RCAN3: variants seen among roughly 807,000 people sequenced by gnomAD.
RCAN3 encodes the protein calcipressin-3.
Under a neutral mutation model 21.9 loss-of-function variants are expected in RCAN3, and 19 were observed. The observed-to-expected ratio is 0.87, with a 90% CI of 0.61 to 1.27. The LOEUF (loss-of-function observed/expected upper bound fraction) is 1.27, where lower values mean the gene tolerates loss of function less well. RCAN3 is among the 50% of genes most tolerant of loss of function. The pLI, the probability that RCAN3 is intolerant of heterozygous loss-of-function variation, is 0.00. For missense variants in RCAN3, 240 were observed against 300.1 expected, an observed-to-expected ratio of 0.80 and a Z score of 1.48; for synonymous variants, 114 against 112.3, an observed-to-expected ratio of 1.01 and a Z score of -0.09.
intron 2 of RCAN3, among the ~76,000 whole-genome samples, chr1:24,515,543 C>T (rs1464415433): frequency 6.6e-6 from 1 of 152,022 alleles, no homozygotes; most frequent in East Asian, 1.9e-4. Context: ...AGCTCTGCCA[C>T]TGGGATGTGT....
Position 24,525,214 on chromosome 1 carries a change from C to G in RCAN3, c.196-6004C>G, listed in dbSNP as rs199789661. On this transcript the variant is annotated intron_variant, in intron 2 of 4. Transcript: ENST00000374395. The surrounding 1 kb of genome is among the most constrained non-coding windows in gnomAD (Gnocchi z 4.1). ...CCCATATGGCCTTTTCCACTTTTCT[C>G]CTTTACTGATGCCTATTATCCAGCT... 6.6e-6 allele frequency among the ~76,000 whole-genome samples: 1 copy of G among 152,256 alleles called. No homozygotes were observed. Among genetic ancestry groups the G allele is most frequent in the East Asian group, 1.9e-4 (1 of 5,186 alleles).
chr1:24,523,653 T>G (rs1340484973), intron 2 of RCAN3, among the ~76,000 whole-genome samples: 1 of 150,540 alleles, frequency 6.6e-6, no homozygotes, highest in Non-Finnish European at 1.5e-5. Context: ...TATATATTTT[T>G]TTTCTTCAGA....
Position 24,528,773 on chromosome 1 carries a change from A to G in RCAN3, c.196-2445A>G, listed in dbSNP as rs544898608. ...ACCTAATAGTGGGAGAATCTAATAG[A>G]TCTTTCCTGATAATAGTTGAAACAG... On this transcript the variant is annotated intron_variant, in intron 2 of 4. Transcript: ENST00000374395. 1.8e-3 allele frequency among the ~76,000 whole-genome samples: 267 copies of G among 152,342 alleles called. 3 individuals are homozygous for G. The highest frequency in any genetic ancestry group is 0.015 in the Admixed American group (225 of 15,300).
intron 4 of RCAN3, among the ~76,000 whole-genome samples, chr1:24,533,847 TACTC>T (rs953742658): frequency 7.2e-5 from 11 of 152,116 alleles, no homozygotes; most frequent in African/African-American, 2.7e-4. Flanking sequence ...GTATAGATAA[TACTC>T]AGTAAATGTA....
intron 3 of RCAN3, among the ~76,000 whole-genome samples, chr1:24,531,843 G>A (rs375906591): frequency 2.6e-5 from 4 of 152,126 alleles, no homozygotes; most frequent in Non-Finnish European, 2.9e-5. Context: ...GGCTGTCTTC[G>A]ACTTTGAAAT....
At chr1:24,506,039 C>T (rs1647422653) in intron 1 of RCAN3, among the ~76,000 whole-genome samples, 1 of 152,090 alleles carries the variant, frequency 6.6e-6, no homozygotes, top group Non-Finnish European at 1.5e-5. Context: ...AACAATTTGC[C>T]AGAAGCCAGC....
At chr1:24,534,539 G>A (rs544039395) in intron 4 of RCAN3, among the ~76,000 whole-genome samples, 2 of 151,638 alleles carry the variant, frequency 1.3e-5, no homozygotes, top group South Asian at 2.1e-4. Context: ...CCCGGGAGGC[G>A]GAGCTTGCAG....
Position 24,540,110 on chromosome 1 carries a change from A to G in RCAN3, c.*4833A>G, listed in dbSNP as rs1309684961. 2 of 152,322 alleles carry G rather than the reference A, an allele frequency of 1.3e-5. No individual in the cohort carries two copies. The highest frequency in any genetic ancestry group is 2.9e-5 in the Non-Finnish European group (2 of 68,022). The allele number at this position is 152,322 out of a possible 1,614,324, so 9.4% of individuals were successfully genotyped here. The stretch of plus-strand genomic sequence containing the variant: ...GAATGCCGTTGTTTCATTGTGAATC[A>G]GGGGAAAATGTTAATCATTTGGAGA... On this transcript the variant is annotated 3_prime_UTR_variant, in exon 5 of 5. Transcript: ENST00000374395.
At chr1:24,528,442 G>A (rs1649456854) in intron 2 of RCAN3, among the ~76,000 whole-genome samples, 1 of 152,026 alleles carries the variant, frequency 6.6e-6, no homozygotes, top group South Asian at 2.1e-4. Context: ...ATACACACAT[G>A]TATTCTTTTT....
At chr1:24,524,288 T>TA (rs915516581) in intron 2 of RCAN3, among the ~76,000 whole-genome samples, 2 of 152,188 alleles carry the variant, frequency 1.3e-5, no homozygotes, top group Middle Eastern at 3.2e-3. Flanking sequence ...CATTAAAACA[T>TA]AAAAATCCAT....
intron 2 of RCAN3, among the ~76,000 whole-genome samples, chr1:24,527,301 C>T (rs1279906216): frequency 6.6e-6 from 1 of 152,154 alleles, no homozygotes; most frequent in African/African-American, 2.4e-5. Flanking sequence ...CCGCGCATGG[C>T]TTTCTGTATT....
chr1:24,531,355 C>T lies in RCAN3; in HGVS notation c.333C>T (p.Asp111=), dbSNP rs748921982. ...ARARIELHET[D]FNGQKLKLYF... is the part of the protein sequence containing the mutation. The stretch of plus-strand genomic sequence containing the variant: ...CGCGAATAGAACTCCACGAAACAGA[C>T]TTCAATGGGCAGAAGCTAAAGCTAT... Residue 111 remains aspartate (D), a synonymous_variant, in exon 3 of 5, where the codon GAC becomes GAT. Coordinates refer to ENST00000374395, the MANE Select transcript of RCAN3 (RefSeq NM_013441.4). 8.7e-6 allele frequency: 14 copies of T among 1,613,510 alleles called. No homozygotes were observed. Among genetic ancestry groups the T allele is most frequent in the Non-Finnish European group, 1.0e-5 (12 of 1,179,758 alleles).
At chr1:24,505,225 C>CTTTTTTTTTTTTT (rs1351108344) in intron 1 of RCAN3, among the ~76,000 whole-genome samples, 8 of 109,558 alleles carry the variant, frequency 7.3e-5, no homozygotes, top group Non-Finnish European at 1.3e-4. Flanking sequence ...TTTTTTTTCT[C>CTTTTTTTTTTTTT]TTTTTTCTTT....
intron 2 of RCAN3, among the ~76,000 whole-genome samples, chr1:24,518,385 G>A (rs981339326): frequency 2.0e-5 from 3 of 152,088 alleles, no homozygotes; most frequent in African/African-American, 7.2e-5. Context: ...AAAATAAACT[G>A]TAAGAAAAAT....
At position 24,535,091 on chromosome 1, in the gene RCAN3, A is replaced by G. The variant is rs373351649; in HGVS notation, c.542-2A>G. ...TCATGGTTATTTTGTTTGCCTCTGC[A>G]GGAGAGAAATATGAACTTCACGCGG... On this transcript the variant is annotated splice_acceptor_variant, in intron 4 of 4. Transcript: ENST00000374395. LOFTEE classifies it high-confidence loss of function. 23 of 1,596,968 alleles carry G rather than the reference A, an allele frequency of 1.4e-5. No homozygotes were observed. Among genetic ancestry groups the G allele is most frequent in the Non-Finnish European group, 1.9e-5 (22 of 1,174,152 alleles).
chr1:24,536,305 A>G lies in RCAN3; in HGVS notation c.*1028A>G, dbSNP rs759748802. On this transcript the variant is annotated 3_prime_UTR_variant, in exon 5 of 5. Transcript: ENST00000374395. ...CCATTTTTCAGCTTGCTTTGAAACAAAAGTCACACCTACTATTTTTCTATG... is the reference window on the plus strand; with the variant it reads ...CCATTTTTCAGCTTGCTTTGAAACAGAAGTCACACCTACTATTTTTCTATG... 2.6e-5 allele frequency: 4 copies of G among 152,240 alleles called. No homozygotes were observed. Among genetic ancestry groups the G allele is most frequent in the Middle Eastern group, 3.2e-3 (1 of 316 alleles). 9.4% of individuals were successfully genotyped at this position (152,240 alleles called of 1,614,324 possible). A position where few individuals can be genotyped will look rare whatever the true frequency, so the allele number is the denominator to read the frequency against.
chr1:24,513,571 C>T (rs773432873), intron 1 of RCAN3, among the ~76,000 whole-genome samples: 2 of 150,214 alleles, frequency 1.3e-5, no homozygotes, highest in African/African-American at 4.9e-5. Flanking sequence ...GCATGAAAAT[C>T]GCTTGAACCC....
intron 2 of RCAN3, among the ~76,000 whole-genome samples, chr1:24,528,932 C>T (rs1570477741): frequency 6.6e-6 from 1 of 152,162 alleles, no homozygotes; most frequent in Non-Finnish European, 1.5e-5. Flanking sequence ...AATTTGATGA[C>T]ACTGAACCAA....
intron 2 of RCAN3, among the ~76,000 whole-genome samples, chr1:24,521,424 A>G (rs940514506): frequency 2.0e-5 from 3 of 152,104 alleles, no homozygotes; most frequent in African/African-American, 7.2e-5. Context: ...CAAAAAACCA[A>G]AGACTTAAAC....
Sources: allele counts gnomAD v4.1 joint callset (sites outside exome capture counted in the v4.1 genomes callset), GRCh38; gene constraint gnomAD v4.1.1; non-coding constraint Gnocchi (gnomAD v3.1); transcripts MANE v1.5; gene names NCBI Gene and HGNC (gene_info 2026-07-23, HGNC 2026-07-21).